The following SVEP1 variants were observed in gnomAD, a reference collection of about 807,000 sequenced individuals.
SVEP1 encodes sushi, von Willebrand factor type A, EGF and pentraxin domain containing 1.
A neutral mutation model predicts 367.3 loss-of-function variants in SVEP1; 164 were observed. The observed-to-expected ratio is 0.45, with a 90% CI of 0.39 to 0.51. SVEP1 has a LOEUF of 0.51. SVEP1 is among the 20% of genes least tolerant of loss of function. The probability of loss-of-function intolerance (pLI) is 0.00; values close to 1 mark genes in which losing one functional copy is unlikely to be tolerated. For synonymous variants in SVEP1, 1,666 were observed against 1,611.6 expected, an observed-to-expected ratio of 1.03 and a Z score of -0.81; for missense variants, 4,117 against 4,425.3, an observed-to-expected ratio of 0.93 and a Z score of 1.98.
chr9:110,451,431 G>C, intron 22 of SVEP1, 29 bp from the exon 23 acceptor site: 4 of 1,582,446 alleles, frequency 2.5e-6, no homozygotes, highest in South Asian at 2.2e-5. Flanking sequence ...CTTTGAGCTG[G>C]AGAAAACTTG....
chr9:110,575,784 C>A (rs918191092), intron 1 of SVEP1, among the ~76,000 whole-genome samples: 1 of 143,476 alleles, frequency 7.0e-6, no homozygotes, highest in Admixed American at 6.8e-5. Flanking sequence ...ATTTGCAAAT[C>A]AATAAGAGAG....
Position 110,538,049 on chromosome 9 carries a change from C to T in SVEP1, c.964+8066G>A, listed in dbSNP as rs181384354. Among the ~76,000 whole-genome samples, 132 of 152,016 alleles carry T rather than the reference C, an allele frequency of 8.7e-4. 1 individual carries two copies. The highest frequency in any genetic ancestry group is 3.1e-3 in the African/African-American group (128 of 41,508). On this transcript the variant is annotated intron_variant, in intron 3 of 47. Coordinates refer to ENST00000374469, the MANE Select transcript of SVEP1 (RefSeq NM_153366.4). Reference sequence around the variant, plus strand: ...TCCTTATCTTGAGAATTCTTGGCAACTGTATATATTTTTTGAGTATTTCTA... The same window carrying T: ...TCCTTATCTTGAGAATTCTTGGCAATTGTATATATTTTTTGAGTATTTCTA...
At chr9:110,417,422 G>C (rs1828144275) in intron 36 of SVEP1, among the ~76,000 whole-genome samples, 1 of 53,330 alleles carries the variant, frequency 1.9e-5, no homozygotes, top group African/African-American at 7.6e-5. Flanking sequence ...TTAAGAAACG[G>C]CGCACCACGA....
intron 1 of SVEP1, among the ~76,000 whole-genome samples, chr9:110,578,248 C>T (rs950409755): frequency 2.7e-4 from 41 of 152,060 alleles, no homozygotes; most frequent in African/African-American, 9.4e-4. Flanking sequence ...TAGGATATAA[C>T]AAACGAAAAA....
chr9:110,552,230 T>G (rs1417347999), intron 1 of SVEP1, among the ~76,000 whole-genome samples: 1 of 151,684 alleles, frequency 6.6e-6, no homozygotes, highest in Non-Finnish European at 1.5e-5. Context: ...CAGGGTTTCA[T>G]CATGTTGGCC....
chr9:110,466,594 TAAAAAAATAC>T (rs1828940719), intron 17 of SVEP1, among the ~76,000 whole-genome samples: 2 of 150,412 alleles, frequency 1.3e-5, no homozygotes, highest in Admixed American at 1.3e-4. Flanking sequence ...CCGTCTCTAC[TAAAAAAATAC>T]AAAAAAATTA....
intron 43 of SVEP1, among the ~76,000 whole-genome samples, 186 bp downstream of exon 43, chr9:110,385,711 CT>C (rs1419302861): frequency 6.6e-6 from 1 of 151,702 alleles, no homozygotes; most frequent in South Asian, 2.1e-4. Flanking sequence ...TTCTGGAAAG[CT>C]TTTTTTAAAA....
chr9:110,549,867 G>T lies in SVEP1; in HGVS notation c.769C>A (p.Arg257Ser). ...CCATTACCTTCATGCAATGCCCGGC[G>T]AGCTAAAGCCTCAAATTCTTCAAAA... ...HSFEEFEALA[R>S]RALHEDLPSG... Residue 257 changes from arginine to serine, a missense_variant, in exon 2 of 48, where the codon CGC (arginine) becomes AGC (serine). Coordinates refer to ENST00000374469, the MANE Select transcript of SVEP1 (RefSeq NM_153366.4). 1 of 1,613,724 alleles carries T rather than the reference G, an allele frequency of 6.2e-7. No individual in the cohort carries two copies. Among genetic ancestry groups the T allele is most frequent in the Non-Finnish European group, 8.5e-7 (1 of 1,179,796 alleles).
chr9:110,382,507 T>C (rs1198514021), intron 43 of SVEP1, among the ~76,000 whole-genome samples: 4 of 152,172 alleles, frequency 2.6e-5, no homozygotes, highest in African/African-American at 7.2e-5. Context: ...ATTTTTTCCT[T>C]CATTTTTACC....
chr9:110,497,112 C>T (rs910108274), intron 7 of SVEP1, among the ~76,000 whole-genome samples, 179 bp from the exon 8 acceptor site: 1 of 152,192 alleles, frequency 6.6e-6, no homozygotes, highest in East Asian at 1.9e-4. Context: ...GCATGGCTTA[C>T]GAGCCCAATC....
intron 3 of SVEP1, among the ~76,000 whole-genome samples, chr9:110,537,671 G>A (rs1239369985): frequency 1.3e-5 from 2 of 151,798 alleles, no homozygotes; most frequent in Non-Finnish European, 2.9e-5. Context: ...TTAACAAATG[G>A]ATACTCAAAA....
Position 110,375,466 on chromosome 9 carries a change from A to T in SVEP1, c.10505-3T>A, listed in dbSNP as rs761089797. 9.9e-6 allele frequency: 4 copies of T among 402,648 alleles called. No homozygotes were observed. Among genetic ancestry groups the T allele is most frequent in the Non-Finnish European group, 1.2e-5 (4 of 322,496 alleles). 24.9% of individuals were successfully genotyped at this position (402,648 alleles called of 1,614,324 possible). ...CAGACAGGGAAGAATGCAGATTGCT[A>T]AAAAAAAAAAAAAAAAAAAAAAAAG... On this transcript the variant is annotated splice_polypyrimidine_tract_variant and splice_region_variant and intron_variant, in intron 45 of 47. Coordinates refer to ENST00000374469, the MANE Select transcript of SVEP1 (RefSeq NM_153366.4).
chr9:110,395,389 T>C lies in SVEP1; in HGVS notation c.9822+5465A>G, dbSNP rs1348689462. On this transcript the variant is annotated intron_variant, in intron 40 of 47. Transcript: ENST00000374469. ...GAAAGGAACAACCAGTACCACCCAC[T>C]GCAAAAACATGCCAAATTGTAAAGA... Among the ~76,000 whole-genome samples, 3 of 152,154 alleles carry C rather than the reference T, an allele frequency of 2.0e-5. No individual in the cohort carries two copies. In the East Asian group the frequency reaches 5.8e-4, roughly 29 times the overall value.
At chr9:110,523,053 A>C (rs1829896156) in intron 3 of SVEP1, among the ~76,000 whole-genome samples, 1 of 152,070 alleles carries the variant, frequency 6.6e-6, no homozygotes, top group Non-Finnish European at 1.5e-5. Flanking sequence ...TCAATCGCTC[A>C]CTATTGCCAG....
intron 17 of SVEP1, among the ~76,000 whole-genome samples, chr9:110,466,496 C>T (rs1184868081): frequency 1.3e-5 from 2 of 152,074 alleles, no homozygotes; most frequent in Non-Finnish European, 1.5e-5. Flanking sequence ...CGGTGGCTCA[C>T]GCCTGTAATC....
At chr9:110,505,655 T>C (rs1829614094) in intron 5 of SVEP1, among the ~76,000 whole-genome samples, 1 of 152,270 alleles carries the variant, frequency 6.6e-6, no homozygotes, top group East Asian at 1.9e-4. Flanking sequence ...ATATTATATA[T>C]CCAATAACCT....
At chr9:110,439,449 A>C (rs971443896) in intron 27 of SVEP1, among the ~76,000 whole-genome samples, 1 of 152,080 alleles carries the variant, frequency 6.6e-6, no homozygotes, top group African/African-American at 2.4e-5. Context: ...GCTGGAGTGC[A>C]GTGGCGCAAT....
intron 36 of SVEP1, among the ~76,000 whole-genome samples, chr9:110,425,250 A>G (rs1304369747): frequency 6.6e-6 from 1 of 152,208 alleles, no homozygotes; most frequent in Non-Finnish European, 1.5e-5. Flanking sequence ...TTGATTAGCT[A>G]GCTCAGATAG....
At chr9:110,443,438 A>G in intron 27 of SVEP1, 107 bp downstream of exon 27, 1 of 1,022,350 alleles carries the variant, frequency 9.8e-7, no homozygotes, top group Non-Finnish European at 1.3e-6. Flanking sequence ...GATAGCTGTT[A>G]ATCTTTGTTT....
Sources: gnomAD v4.1 joint callset for allele counts (sites outside exome capture counted in the v4.1 genomes callset) on GRCh38, gnomAD v4.1.1 for gene constraint, MANE v1.5 for transcripts, NCBI Gene and HGNC (gene_info 2026-07-23, HGNC 2026-07-21) for gene names.